The following NOS2 variants were observed in gnomAD, a reference collection of about 807,000 sequenced individuals.
The protein encoded by NOS2 is nitric oxide synthase 2, also known as nitric oxide synthase, inducible.
In NOS2, 96 loss-of-function variants were observed where a neutral mutation model predicts 136.0. The ratio of observed to expected loss-of-function variants is 0.71; its 90% confidence interval spans 0.60 to 0.84. The LOEUF (loss-of-function observed/expected upper bound fraction) is 0.84. Ranked by LOEUF, NOS2 falls within the 40% of genes least tolerant of loss-of-function variation. The pLI, the probability that NOS2 is intolerant of heterozygous loss-of-function variation, is 0.00. For synonymous variants in NOS2, 539 were observed against 587.5 expected (o/e 0.92, Z 1.20); for missense variants, 1,237 against 1,496.9 (o/e 0.83, Z 2.87).
intron 19 of NOS2, among the ~76,000 whole-genome samples, chr17:27,766,054 C>A (rs1302337870): frequency 6.6e-6 from 1 of 152,218 alleles, no homozygotes; most frequent in Admixed American, 6.5e-5. Flanking sequence ...CCAGGACAAA[C>A]CCTGTTCTTA....
At chr17:27,774,688 T>C (rs757202012) in intron 11 of NOS2, among the ~76,000 whole-genome samples, 16 of 152,226 alleles carry the variant, frequency 1.1e-4, no homozygotes, top group Non-Finnish European at 4.4e-5. Flanking sequence ...ACAGGTCCCA[T>C]GGGGGCCTCC....
At position 27,774,272 on chromosome 17, in the gene NOS2, A is replaced by G. The variant is rs201695469; in HGVS notation, c.1461T>C (p.Pro487=). 8.0e-6 allele frequency: 12 copies of G among 1,506,728 alleles called. No individual in the cohort carries two copies. The East Asian group carries it at 9.9e-5, about 12-fold the overall frequency. The allele number at this position is 1,506,728 out of a possible 1,614,324, so 93.3% of individuals were successfully genotyped here. Residue 487 remains proline, a synonymous_variant, in exon 12 of 27, where the codon CCT becomes CCC. Coordinates refer to ENST00000313735, the MANE Select transcript of NOS2 (RefSeq NM_000625.4). ...HQEMLNYVLS[P]FYYYQVEAWK... ...GGCCCCTAACCTGATAGTAGTAGAAAGGGGACAGGACGTAGTTCAGCATCT... is the reference window on the plus strand; with the variant it reads ...GGCCCCTAACCTGATAGTAGTAGAAGGGGGACAGGACGTAGTTCAGCATCT...
chr17:27,785,897 G>A (rs567111465), intron 5 of NOS2, among the ~76,000 whole-genome samples: 12 of 147,062 alleles, frequency 8.2e-5, no homozygotes, highest in Admixed American at 2.1e-4. Flanking sequence ...GATCGAGGCT[G>A]CAGTGAGCAG....
rs1461788130 is a variant in NOS2 at position 27,774,988 on chromosome 17, G to C, written c.1282-537C>G. Among the ~76,000 whole-genome samples, 3 of 152,342 alleles carry C rather than the reference G, an allele frequency of 2.0e-5. No individual in the cohort carries two copies. The East Asian group carries it at 5.8e-4, about 29-fold the overall frequency. On this transcript the variant is annotated intron_variant, in intron 11 of 26. Transcript: ENST00000313735. ...CACAGTCTGAAATTACGGGCTGTGG[G>C]GTCTGACCCCATGGAATGGTCCAGC...
chr17:27,759,719 C>T (rs1226517843), intron 25 of NOS2, among the ~76,000 whole-genome samples: 1 of 152,128 alleles, frequency 6.6e-6, no homozygotes, highest in Non-Finnish European at 1.5e-5. Flanking sequence ...AAGGCTTGAG[C>T]GTAGCCAGCC....
rs28999378 is a variant in NOS2, at chr17:27,778,816, G to A, written c.1180-25C>T. On this transcript the variant is annotated intron_variant, in intron 10 of 26. Transcript: ENST00000313735. Reference sequence around the variant, plus strand: ...CCTACAGAGGCAGAGTGATAGCGGCGAGTCGGTCCCTGAAGCCACCCCCAG... The same window carrying A: ...CCTACAGAGGCAGAGTGATAGCGGCAAGTCGGTCCCTGAAGCCACCCCCAG... 605 of 1,613,398 alleles carry A rather than the reference G, an allele frequency of 3.7e-4. 7 individuals carry two copies. In the African/African-American group the frequency reaches 7.3e-3, roughly 19 times the overall value.
rs1270108213 is a variant in NOS2, at chr17:27,765,654, C to T, written c.2309G>A (p.Gly770Glu). The change falls in exon 20 of 27, where the codon GGG becomes GAG. Residue 770 changes from glycine (G) to glutamate (E), a missense_variant. Physicochemically the swap from Gly to Glu is moderately conservative, Grantham distance 98. Transcript: ENST00000313735. ...EDGQGLNYLP[G>E]EHLGVCPGNQ... ...GCCTGGGCAAACCCCAAGGTGCTCC[C>T]CCGGCAGGTAGTTCAGGCCTTGGCC... The T allele has an allele frequency of 1.9e-6, 3 of 1,613,372 alleles. No individual in the cohort carries two copies. In the African/African-American group the frequency reaches 4.0e-5, roughly 22 times the overall value.
At chr17:27,770,844 C>T (rs746537337) in intron 15 of NOS2, 69 bp downstream of exon 15, 22 of 1,181,480 alleles carry the variant, frequency 1.9e-5, no homozygotes, top group African/African-American at 1.1e-4. Flanking sequence ...TGCCGCATCC[C>T]CCAGACCCTT....
rs1164273778 is a variant in NOS2, at chr17:27,757,134, G to C, written c.*112C>G. On this transcript the variant is annotated 3_prime_UTR_variant, in exon 27 of 27. Transcript: ENST00000313735. ...CAACGTTGAGGAAATAAGACTTGAG[G>C]CTGGGGGATATCACTTTCCTCCATC... 2.6e-6 allele frequency: 2 copies of C among 774,020 alleles called. No homozygotes were observed. The highest frequency in any genetic ancestry group is 4.1e-6 in the Non-Finnish European group (2 of 486,540). The allele number at this position is 774,020 out of a possible 1,614,324, so 47.9% of individuals were successfully genotyped here. A position where few individuals can be genotyped will look rare whatever the true frequency, so the allele number is the denominator to read the frequency against.
intron 23 of NOS2, among the ~76,000 whole-genome samples, 195 bp downstream of exon 23, chr17:27,760,949 C>T (rs1298412789): frequency 6.6e-6 from 1 of 152,200 alleles, no homozygotes; most frequent in East Asian, 1.9e-4. Context: ...TGTAAAAGGG[C>T]CAAGCTCACT....
intron 4 of NOS2, 21 bp from the exon 5 acceptor site, chr17:27,787,847 G>A: frequency 6.3e-7 from 1 of 1,599,616 alleles, no homozygotes; most frequent in Non-Finnish European, 8.5e-7. Flanking sequence ...AGAGGCAGGT[G>A]GTGAGGGTGG....
rs780023658 is a variant in NOS2, at chr17:27,774,321, C to T, written c.1412G>A (p.Ser471Asn). The change falls in exon 12 of 27, where the codon AGC (serine) becomes AAC (asparagine). Residue 471 changes from serine to asparagine, a missense_variant. Physicochemically the swap from Ser to Asn is conservative, Grantham distance 46. Transcript: ENST00000313735. ...CTCCTGGTGAAACACGGGGGTGATG[C>T]TCCCAGACATGGGAGGGACCAGCCA... ...WIWLVPPMSG[S>N]ITPVFHQEML... 6 of 1,579,070 alleles carry T rather than the reference C, an allele frequency of 3.8e-6. No individual in the cohort carries two copies. Among genetic ancestry groups the T allele is most frequent in the Non-Finnish European group, 5.2e-6 (6 of 1,163,376 alleles).
chr17:27,758,149 C>T (rs1451191127), intron 26 of NOS2, among the ~76,000 whole-genome samples: 2 of 152,188 alleles, frequency 1.3e-5, no homozygotes, highest in African/African-American at 4.8e-5. Flanking sequence ...TCATTTACTG[C>T]TCTATCCCTA....
At chr17:27,767,597 C>G (rs1257426003) in intron 18 of NOS2, 108 bp downstream of exon 18, 10 of 1,349,880 alleles carry the variant, frequency 7.4e-6, no homozygotes, top group Non-Finnish European at 9.9e-6. Context: ...AGGGAGGCCC[C>G]GAGGCCAGCT....
At chr17:27,779,425 G>GT (rs1273976531) in intron 9 of NOS2, among the ~76,000 whole-genome samples, 1 of 151,706 alleles carries the variant, frequency 6.6e-6, no homozygotes, top group Non-Finnish European at 1.5e-5. Flanking sequence ...AATTACAGGT[G>GT]TGAACTACCT....
rs759255233 is a variant in NOS2 at position 27,769,570 on chromosome 17, C to G, written c.1824G>C (p.Ser608=). 1 of 1,612,920 alleles carries G rather than the reference C, an allele frequency of 6.2e-7. No individual in the cohort carries two copies. Among genetic ancestry groups the G allele is most frequent in the African/African-American group, 1.3e-5 (1 of 74,882 alleles). The change falls in exon 16 of 27, where the codon TCG becomes TCC. Residue 608 remains serine (S), a synonymous_variant. Transcript: ENST00000313735. ...CPGNGEKLKK[S]LFMLKELNNK... ...TGTTGAGCTCTTTCAGCATGAAGAG[C>G]GATTTCTTCAGTTTCTAGAAAGAGA... is the stretch of plus-strand genomic sequence containing the variant.
chr17:27,783,163 T>TG, intron 5 of NOS2, 57 bp from the exon 6 acceptor site: 1 of 1,569,138 alleles, frequency 6.4e-7, no homozygotes, highest in Non-Finnish European at 8.8e-7. Flanking sequence ...ACATGGGGAT[T>TG]AATTCAATCC....
rs1157018578 is a variant in NOS2 at position 27,799,285 on chromosome 17, A to G, written c.-73-403T>C. On this transcript the variant is annotated intron_variant, in intron 1 of 26. Coordinates refer to ENST00000313735, the MANE Select transcript of NOS2 (RefSeq NM_000625.4). ...TGCCTGACCCTGAAAGACACTTCCC[A>G]GCAGCTCTCATTATCAACTGTAGTT... Among the ~76,000 whole-genome samples the G allele has an allele frequency of 2.0e-5, 3 of 152,330 alleles. No individual in the cohort carries two copies. In the East Asian group the frequency reaches 5.8e-4, roughly 29 times the overall value.
intron 11 of NOS2, 87 bp from the exon 12 acceptor site, chr17:27,774,538 C>CACTCT: frequency 3.1e-6 from 3 of 953,170 alleles, no homozygotes; most frequent in African/African-American, 1.7e-5. Flanking sequence ...CCAGAGAGTG[C>CACTCT]CTGGGAAGGC....
Sources: allele counts gnomAD v4.1 joint callset (sites outside exome capture counted in the v4.1 genomes callset), GRCh38; gene constraint gnomAD v4.1.1; transcripts MANE v1.5; gene names NCBI Gene and HGNC (gene_info 2026-07-23, HGNC 2026-07-21).